The following VARS1 variants were observed in gnomAD, a reference collection of about 807,000 sequenced individuals.
VARS1 encodes valyl-tRNA synthetase 1, also known as valine--tRNA ligase.
A neutral mutation model predicts 161.0 loss-of-function variants in VARS1; 92 were observed. The observed-to-expected ratio is 0.57, with a 90% CI of 0.48 to 0.68. VARS1 has a LOEUF of 0.68. VARS1 is among the 30% of genes least tolerant of loss of function. The pLI is 0.00. For missense variants in VARS1, 1,338 were observed against 1,695.9 expected, an observed-to-expected ratio of 0.79 and a Z score of 3.71; for synonymous variants, 595 against 682.5, an observed-to-expected ratio of 0.87 and a Z score of 2.00.
chr6:31,788,799 ACT>A (rs1237633730), intron 8 of VARS1, among the ~76,000 whole-genome samples: 1 of 151,810 alleles, frequency 6.6e-6, no homozygotes, highest in African/African-American at 2.4e-5. Flanking sequence ...ACAGAGAGAG[ACT>A]CTGTCTCAAA....
At chr6:31,786,562 A>G (rs896222076) in intron 8 of VARS1, among the ~76,000 whole-genome samples, 1 of 146,178 alleles carries the variant, frequency 6.8e-6, no homozygotes, top group African/African-American at 2.5e-5. Flanking sequence ...GCTACTTGGG[A>G]GGCTGAAGCA....
rs777451438 is a variant in VARS1, at chr6:31,782,447, G to T, written c.1992-4C>A. On this transcript the variant is annotated splice_region_variant and splice_polypyrimidine_tract_variant and intron_variant, in intron 16 of 29. Coordinates refer to ENST00000375663, the MANE Select transcript of VARS1 (RefSeq NM_006295.3). The surrounding 1 kb of genome is among the most constrained non-coding windows in gnomAD (Gnocchi z 8.3). The stretch of plus-strand genomic sequence containing the variant: ...CTCTACCACGTCCTTCGACCGGCTG[G>T]GGGTACACGTAGGTGAGAAGGCCAG... 36 of 1,611,984 alleles carry T rather than the reference G, an allele frequency of 2.2e-5. No homozygotes were observed. Among genetic ancestry groups the T allele is most frequent in the East Asian group, 1.6e-4 (7 of 44,838 alleles).
In VARS1 at chr6:31,784,642, G is replaced by T. The variant is rs1342526253; in HGVS notation, c.1420C>A (p.Leu474Ile). 3.7e-6 allele frequency: 6 copies of T among 1,613,114 alleles called. No individual in the cohort carries two copies. In the South Asian group the frequency reaches 5.5e-5, roughly 15 times the overall value. ...EEGIIYRSTR[L>I]VNWSCTLNSA... ...TTGAGGGTGCAGGACCAGTTAACAA[G>T]GCGGGTACTGCGATAGATGATGCCT... is the stretch of plus-strand genomic sequence containing the variant. Residue 474 changes from leucine to isoleucine, a missense_variant, in exon 11 of 30, where the codon CTT becomes ATT. By Grantham distance (5) the Leu-to-Ile change is conservative. Coordinates refer to ENST00000375663, the MANE Select transcript of VARS1 (RefSeq NM_006295.3). The surrounding 1 kb of genome is among the most constrained non-coding windows in gnomAD (Gnocchi z 6.1).
chr6:31,789,143 A>C (rs1357869337), intron 8 of VARS1, among the ~76,000 whole-genome samples: 1 of 152,176 alleles, frequency 6.6e-6, no homozygotes, highest in African/African-American at 2.4e-5. Context: ...GTAACAGAAA[A>C]CAGGAGAAAC....
chr6:31,783,139 A>G lies in VARS1; in HGVS notation c.1719T>C (p.Leu573=), dbSNP rs1420323370. 16 of 1,612,824 alleles carry G rather than the reference A, an allele frequency of 9.9e-6. No homozygotes were observed. Among genetic ancestry groups the G allele is most frequent in the Non-Finnish European group, 1.4e-5 (16 of 1,179,966 alleles). ...NVIHPFLSRS[L]PIVFDEFVDM... ...CCACAAATTCATCGAAGACAATGGGAAGGCTCCGAGACAGGAATGGGTGGA... is the reference window on the plus strand; with the variant it reads ...CCACAAATTCATCGAAGACAATGGGGAGGCTCCGAGACAGGAATGGGTGGA... The change falls in exon 14 of 30, where the codon CTT becomes CTC. Residue 573 remains leucine (L), a synonymous_variant. Transcript: ENST00000375663.
At chr6:31,787,463 G>A (rs1334172321) in intron 8 of VARS1, among the ~76,000 whole-genome samples, 2 of 151,462 alleles carry the variant, frequency 1.3e-5, no homozygotes, top group Middle Eastern at 3.4e-3. Context: ...TGGCCAACAT[G>A]GCAAAACTCT....
chr6:31,788,778 CAG>C (rs1813685910), intron 8 of VARS1, among the ~76,000 whole-genome samples: 2 of 151,938 alleles, frequency 1.3e-5, no homozygotes, highest in Admixed American at 6.6e-5. Flanking sequence ...CACCGCACTC[CAG>C]CCTGGGCGAC....
intron 8 of VARS1, among the ~76,000 whole-genome samples, chr6:31,787,283 G>A (rs1054417386): frequency 2.0e-5 from 3 of 151,954 alleles, no homozygotes; most frequent in African/African-American, 7.3e-5. Flanking sequence ...TTAAAGTAAT[G>A]GGAGTGTCTC....
At chr6:31,794,093 C>CAAA (rs33960246) in intron 2 of VARS1, among the ~76,000 whole-genome samples, 1,665 of 71,086 alleles carry the variant, frequency 0.023, 58 homozygotes, top group Admixed American at 0.049. Context: ...GATTCTGTCT[C>CAAA]AAAAAAAAAA....
chr6:31,795,329 G>T lies in VARS1; in HGVS notation c.-33-79C>A. On this transcript the variant is annotated intron_variant, in intron 1 of 29. Coordinates refer to ENST00000375663, the MANE Select transcript of VARS1 (RefSeq NM_006295.3). The surrounding 1 kb of genome is among the most constrained non-coding windows in gnomAD (Gnocchi z 6.9). Reference sequence around the variant, plus strand: ...TTGAGTAGAGAGGGGACCCTCACGGGAGCTCCTTCGCCGCAGACACCCGAG... The same window carrying T: ...TTGAGTAGAGAGGGGACCCTCACGGTAGCTCCTTCGCCGCAGACACCCGAG... 9.4e-7 allele frequency: 1 copy of T among 1,065,048 alleles called. No homozygotes were observed. Among genetic ancestry groups the T allele is most frequent in the African/African-American group, 1.6e-5 (1 of 62,674 alleles). The allele number at this position is 1,065,048 out of a possible 1,614,324, so 66.0% of individuals were successfully genotyped here. A position where few individuals can be genotyped will look rare whatever the true frequency, so the allele number is the denominator to read the frequency against.
rs1813855249 is a variant in VARS1 at position 31,791,397 on chromosome 6, G to A, written c.1100+213C>T. ...AAATTAAATAAAGAAAGAAGGGATA[G>A]AAGAGAGTCTGCAAGTGGCGGTGTT... is the stretch of plus-strand genomic sequence containing the variant. On this transcript the variant is annotated intron_variant, in intron 8 of 29. Transcript: ENST00000375663. This position sits in a 1 kb window ranked among gnomAD's most constrained non-coding sequence, Gnocchi z 5.0. Among the ~76,000 whole-genome samples, 1 of 152,120 alleles carries A rather than the reference G, an allele frequency of 6.6e-6. No individual in the cohort carries two copies. The highest frequency in any genetic ancestry group is 1.5e-5 in the Non-Finnish European group (1 of 68,020).
At chr6:31,788,344 A>G (rs1442651516) in intron 8 of VARS1, among the ~76,000 whole-genome samples, 1 of 151,816 alleles carries the variant, frequency 6.6e-6, no homozygotes, top group Non-Finnish European at 1.5e-5. Context: ...TACTAAAAAT[A>G]CAAAAATTAG....
At chr6:31,792,944 T>C (rs1813986744) in intron 3 of VARS1, 42 bp downstream of exon 3, 2 of 1,614,140 alleles carry the variant, frequency 1.2e-6, no homozygotes, top group Non-Finnish European at 1.7e-6. Flanking sequence ...CAGTGAGGTC[T>C]GAGGAGAGCA....
chr6:31,784,427 G>T lies in VARS1; in HGVS notation c.1543C>A (p.Leu515Ile). ...GYKEKVEFGV[L>I]VSFAYKVQGS... ...TGGACCTTATAGGCAAAGGACACGA[G>T]GACCCCGAACTCCACCTTCTCCTTG... Residue 515 changes from leucine to isoleucine, a missense_variant, in exon 12 of 30, where the codon CTC (leucine) becomes ATC (isoleucine). Physicochemically the swap from Leu to Ile is conservative, Grantham distance 5. Transcript: ENST00000375663. The surrounding 1 kb of genome is among the most constrained non-coding windows in gnomAD (Gnocchi z 6.1). 1 of 1,614,076 alleles carries T rather than the reference G, an allele frequency of 6.2e-7. No homozygotes were observed. Among genetic ancestry groups the T allele is most frequent in the Non-Finnish European group, 8.5e-7 (1 of 1,180,032 alleles).
At position 31,781,981 on chromosome 6, in the gene VARS1, G is replaced by C; in HGVS notation, c.2242-29C>G. 3 of 1,613,124 alleles carry C rather than the reference G, an allele frequency of 1.9e-6. No homozygotes were observed. The highest frequency in any genetic ancestry group is 2.5e-6 in the Non-Finnish European group (3 of 1,179,958). On this transcript the variant is annotated intron_variant, in intron 18 of 29. Coordinates refer to ENST00000375663, the MANE Select transcript of VARS1 (RefSeq NM_006295.3). This position sits in a 1 kb window ranked among gnomAD's most constrained non-coding sequence, Gnocchi z 6.8. ...CCACAGGTGCAGTGATTACCCAAGG[G>C]GGTGTGTCTGCTTCTGGCTCACCCT...
In VARS1 at chr6:31,780,742, A is replaced by G; in HGVS notation, c.2760T>C (p.Asp920=). Residue 920 remains aspartate (D), a synonymous_variant, in exon 24 of 30, where the codon GAT becomes GAC. Coordinates refer to ENST00000375663, the MANE Select transcript of VARS1 (RefSeq NM_006295.3). The surrounding 1 kb of genome is among the most constrained non-coding windows in gnomAD (Gnocchi z 5.1). The part of the protein sequence containing the change: ...FPAGIPECGT[D]ALRFGLCAYM... ...AGGCACATAATCCAAACCGGAGAGC[A>G]TCGGTGCCACATTCAGGAATCCCCG... 1 of 1,614,192 alleles carries G rather than the reference A, an allele frequency of 6.2e-7. No individual in the cohort carries two copies. The highest frequency in any genetic ancestry group is 8.5e-7 in the Non-Finnish European group (1 of 1,180,032).
At chr6:31,783,004 G>A in intron 14 of VARS1, 92 bp downstream of exon 14, 1 of 1,549,360 alleles carries the variant, frequency 6.5e-7, no homozygotes. Flanking sequence ...CTATTTGGCT[G>A]AAGCTTATTT....
Position 31,781,908 on chromosome 6 carries a change from C to T in VARS1, c.2286G>A (p.Glu762=). The change falls in exon 19 of 30, where the codon GAG becomes GAA. Residue 762 remains glutamate, a synonymous_variant. Coordinates refer to ENST00000375663, the MANE Select transcript of VARS1 (RefSeq NM_006295.3). This position sits in a 1 kb window ranked among gnomAD's most constrained non-coding sequence, Gnocchi z 6.8. ...RYWVSGRNEA[E]AREKAAKEFG... The stretch of plus-strand genomic sequence containing the variant: ...ACTCCTTGGCTGCCTTCTCCCGGGC[C>T]TCCGCCTCATTGCGTCCACTCACCC... 1.2e-6 allele frequency: 2 copies of T among 1,612,974 alleles called. No homozygotes were observed. Among genetic ancestry groups the T allele is most frequent in the South Asian group, 1.1e-5 (1 of 91,088 alleles).
At position 31,792,381 on chromosome 6, in the gene VARS1, C is replaced by T. The variant is rs1187051187; in HGVS notation, c.786+11G>A. Reference sequence around the variant, plus strand: ...ACATCAACTTTCCTTCCAGCTCCACCCTCGCCTCACCTCCCCTGGAGGTGG... The same window carrying T: ...ACATCAACTTTCCTTCCAGCTCCACTCTCGCCTCACCTCCCCTGGAGGTGG... On this transcript the variant is annotated intron_variant, in intron 5 of 29. Transcript: ENST00000375663. The T allele has an allele frequency of 5.0e-6, 8 of 1,614,002 alleles. No individual in the cohort carries two copies. The highest frequency in any genetic ancestry group is 3.3e-5 in the Admixed American group (2 of 59,986).
Sources: gnomAD v4.1 joint callset for allele counts (sites outside exome capture counted in the v4.1 genomes callset) on GRCh38, gnomAD v4.1.1 for gene constraint, Gnocchi (gnomAD v3.1) non-coding constraint, MANE v1.5 for transcripts, NCBI Gene and HGNC (gene_info 2026-07-23, HGNC 2026-07-21) for gene names.